Variants in ZNF423 observed in about 807,000 individuals in gnomAD.
The protein encoded by ZNF423 is zinc finger protein 423.
In ZNF423, 12 loss-of-function variants were observed where a neutral mutation model predicts 95.8. The ratio of observed to expected loss-of-function variants is 0.13; its 90% CI spans 0.08 to 0.20. The LOEUF is 0.20. ZNF423 is among the 10% of genes least tolerant of loss of function. The pLI is 1.00. For missense variants in ZNF423, 1,316 were observed against 1,737.1 expected, an observed-to-expected ratio of 0.76 and a Z score of 4.31; for synonymous variants, 749 against 711.9, an observed-to-expected ratio of 1.05 and a Z score of -0.83.
intron 5 of ZNF423, among the ~76,000 whole-genome samples, chr16:49,547,292 T>A (rs368142991): frequency 2.0e-5 from 3 of 152,122 alleles, no homozygotes; most frequent in African/African-American, 7.2e-5. Context: ...AAGGCTCCAC[T>A]CACGGCTCTC....
chr16:49,532,477 AG>A (rs1239536635), intron 5 of ZNF423, among the ~76,000 whole-genome samples: 1 of 152,196 alleles, frequency 6.6e-6, no homozygotes, highest in Non-Finnish European at 1.5e-5. Flanking sequence ...TCTGCCCAGA[AG>A]GGACCCATCG....
At chr16:49,831,277 C>A (rs560011320) in intron 1 of ZNF423, among the ~76,000 whole-genome samples, 2 of 152,216 alleles carry the variant, frequency 1.3e-5, no homozygotes, top group East Asian at 1.9e-4. Flanking sequence ...TTTCTTTATT[C>A]ATTTTATCTT....
chr16:49,598,263 C>T (rs1178500929), intron 5 of ZNF423, among the ~76,000 whole-genome samples: 1 of 152,202 alleles, frequency 6.6e-6, no homozygotes, highest in Non-Finnish European at 1.5e-5. Flanking sequence ...TGTTACTGAA[C>T]CTCTCCTTGC....
intron 4 of ZNF423, among the ~76,000 whole-genome samples, chr16:49,634,659 C>T (rs965549590): frequency 2.0e-5 from 3 of 152,200 alleles, no homozygotes; most frequent in East Asian, 1.9e-4. Context: ...GTGCCAGCAG[C>T]GGTCCTTGAG....
chr16:49,529,050 G>A (rs1190514433), intron 5 of ZNF423, among the ~76,000 whole-genome samples: 1 of 151,824 alleles, frequency 6.6e-6, no homozygotes, highest in Non-Finnish European at 1.5e-5. Flanking sequence ...CTGGGAGCCT[G>A]CAGGCCCCTC....
At chr16:49,664,285 C>T (rs1327728596) in intron 3 of ZNF423, 5 of 985,610 alleles carry the variant, frequency 5.1e-6, no homozygotes, top group East Asian at 1.1e-4. Flanking sequence ...AAGGATGGGC[C>T]GAGGGTGTGC....
chr16:49,721,561 C>T (rs1009196046), intron 3 of ZNF423, among the ~76,000 whole-genome samples: 3 of 152,108 alleles, frequency 2.0e-5, no homozygotes, highest in Non-Finnish European at 4.4e-5. Context: ...CCGGGGACAG[C>T]CCACCTCGCT....
At chr16:49,693,072 T>C (rs1254621343) in intron 3 of ZNF423, among the ~76,000 whole-genome samples, 2 of 152,250 alleles carry the variant, frequency 1.3e-5, no homozygotes, top group African/African-American at 2.4e-5. Flanking sequence ...AATGTGTGAA[T>C]AAATAAAAAG....
At chr16:49,830,281 T>A (rs572009916) in intron 1 of ZNF423, among the ~76,000 whole-genome samples, 1 of 152,036 alleles carries the variant, frequency 6.6e-6, no homozygotes, top group African/African-American at 2.4e-5. Context: ...TCCTAGGACA[T>A]GAGTTGAGGC....
intron 3 of ZNF423, among the ~76,000 whole-genome samples, chr16:49,691,882 G>A (rs1453119718): frequency 2.6e-5 from 4 of 152,144 alleles, no homozygotes; most frequent in Admixed American, 6.5e-5. Context: ...CTGCTGCTGA[G>A]GGACAGGGCG....
At chr16:49,699,248 C>T (rs1228453055) in intron 3 of ZNF423, among the ~76,000 whole-genome samples, 1 of 152,126 alleles carries the variant, frequency 6.6e-6, no homozygotes, top group Non-Finnish European at 1.5e-5. Flanking sequence ...CTGGCCGGCT[C>T]CCCCGGGGGC....
At chr16:49,679,268 G>T (rs1045956487) in intron 3 of ZNF423, among the ~76,000 whole-genome samples, 1 of 152,226 alleles carries the variant, frequency 6.6e-6, no homozygotes, top group Admixed American at 6.5e-5. Context: ...CCAGGGCTGC[G>T]CCCTCCGTGG....
intron 7 of ZNF423, among the ~76,000 whole-genome samples, chr16:49,516,853 C>G (rs888945165): frequency 2.0e-5 from 3 of 152,234 alleles, no homozygotes; most frequent in African/African-American, 7.2e-5. Context: ...GATCTAGCAC[C>G]TGTTGCCTGA....
chr16:49,504,941 G>A (rs1028611741), intron 7 of ZNF423, among the ~76,000 whole-genome samples: 2 of 152,188 alleles, frequency 1.3e-5, no homozygotes, highest in Non-Finnish European at 2.9e-5. Context: ...CAGCAAAGGG[G>A]GCCCTGATGG....
intron 1 of ZNF423, among the ~76,000 whole-genome samples, chr16:49,834,894 TG>T (rs2144070773): frequency 6.8e-6 from 1 of 146,248 alleles, no homozygotes; most frequent in African/African-American, 2.5e-5. Flanking sequence ...CCAGGAGGGC[TG>T]GGGGAGGGGC....
intron 5 of ZNF423, among the ~76,000 whole-genome samples, chr16:49,530,842 G>T (rs555353416): frequency 6.6e-6 from 1 of 152,170 alleles, no homozygotes; most frequent in African/African-American, 2.4e-5. Flanking sequence ...AGGGCAGAGC[G>T]GGGCAGCAGC....
At chr16:49,818,541 T>C (rs2034891380) in intron 1 of ZNF423, among the ~76,000 whole-genome samples, 1 of 150,626 alleles carries the variant, frequency 6.6e-6, no homozygotes, top group Non-Finnish European at 1.5e-5. Context: ...CACCTGTGTA[T>C]AGACACTGCA....
At chr16:49,770,915 A>G (rs1311544025) in intron 2 of ZNF423, among the ~76,000 whole-genome samples, 5 of 152,172 alleles carry the variant, frequency 3.3e-5, no homozygotes, top group Admixed American at 3.3e-4. Context: ...CGGCAGCAGG[A>G]GGCCATGGCT....
rs74019118 is a variant in ZNF423 at position 49,521,380 on chromosome 16, C to T, written c.3849+2244G>A. ...GCCTCCTCTGTCAGGATACCCAGGC[C>T]TATTTTGGTAGCTGGGCCACTCAGG... On this transcript the variant is annotated intron_variant, in intron 7 of 7. Transcript: ENST00000563137. 9.6e-3 allele frequency among the ~76,000 whole-genome samples: 1,461 copies of T among 152,298 alleles called. 14 individuals are homozygous for T. The highest frequency in any genetic ancestry group is 0.032 in the African/African-American group (1,318 of 41,550).
Sources: gnomAD v4.1 joint callset for allele counts (sites outside exome capture counted in the v4.1 genomes callset) on GRCh38, gnomAD v4.1.1 for gene constraint, MANE v1.5 for transcripts, NCBI Gene and HGNC (gene_info 2026-07-23, HGNC 2026-07-21) for gene names.